SRGAP3: variants seen among roughly 807,000 people sequenced by gnomAD.
SRGAP3 encodes SLIT-ROBO Rho GTPase-activating protein 3.
SRGAP3 carries 39 observed loss-of-function variants against 121.1 expected under a neutral mutation model. That is an observed-to-expected ratio of 0.32 (90% confidence interval 0.25 to 0.42). The LOEUF (loss-of-function observed/expected upper bound fraction) is 0.42. Ranked by LOEUF, SRGAP3 falls within the 10% of genes least tolerant of loss-of-function variation. The probability of loss-of-function intolerance (pLI) is 1.00; values close to 1 mark genes in which losing one functional copy is unlikely to be tolerated. For synonymous variants in SRGAP3, 601 were observed against 570.0 expected, an observed-to-expected ratio of 1.05 and a Z score of -0.77; for missense variants, 1,213 against 1,470.6, an observed-to-expected ratio of 0.82 and a Z score of 2.86.
At chr3:9,303,162 T>C (rs1451406235) in intron 3 of SRGAP3, among the ~76,000 whole-genome samples, 3 of 152,112 alleles carry the variant, frequency 2.0e-5, no homozygotes, top group Non-Finnish European at 4.4e-5. Flanking sequence ...CGGTGGCTCA[T>C]GTCTGTAATC....
intron 20 of SRGAP3, 93 bp downstream of exon 20, chr3:8,992,813 G>A: frequency 6.2e-7 from 1 of 1,606,118 alleles, no homozygotes; most frequent in Non-Finnish European, 8.5e-7. Flanking sequence ...GCTGCAGTAG[G>A]CTCCTTCTCT....
chr3:9,140,999 C>T (rs894001981), intron 1 of SRGAP3, among the ~76,000 whole-genome samples: 1 of 152,186 alleles, frequency 6.6e-6, no homozygotes, highest in African/African-American at 2.4e-5. Context: ...CAGTGTAAAA[C>T]AATATGAAGA....
chr3:9,037,770 GACAAT>G (rs1944824597), intron 11 of SRGAP3: 1 of 520,080 alleles, frequency 1.9e-6, no homozygotes, highest in Admixed American at 3.2e-5. Context: ...ACTCTGAGTA[GACAAT>G]ACTGTCTCAC....
At chr3:9,294,695 C>CGTGTGTGTGTGTGTGT (rs753452580) in intron 3 of SRGAP3, among the ~76,000 whole-genome samples, 1,865 of 119,840 alleles carry the variant, frequency 0.016, 66 homozygotes, top group South Asian at 0.027. Flanking sequence ...TTGAAGCTTT[C>CGTGTGTGTGTGTGTGT]GTGTGTGTGT....
At chr3:9,351,695 T>C (rs900326949) in intron 1 of SRGAP3, among the ~76,000 whole-genome samples, 5 of 152,218 alleles carry the variant, frequency 3.3e-5, no homozygotes, top group African/African-American at 1.2e-4. Flanking sequence ...GATACACATA[T>C]ACTTACCATT....
At chr3:9,284,382 G>A (rs981094351) in intron 3 of SRGAP3, among the ~76,000 whole-genome samples, 3 of 152,178 alleles carry the variant, frequency 2.0e-5, no homozygotes, top group African/African-American at 4.8e-5. Flanking sequence ...GTTTTACCAC[G>A]TGTGTGTGGC....
At chr3:9,311,488 A>C (rs1045213331) in intron 3 of SRGAP3, among the ~76,000 whole-genome samples, 2 of 152,206 alleles carry the variant, frequency 1.3e-5, no homozygotes, top group African/African-American at 4.8e-5. Context: ...ACAATCCATC[A>C]AGTCTGTCGC....
At chr3:9,212,423 T>C (rs1469626090) in intron 1 of SRGAP3, among the ~76,000 whole-genome samples, 5 of 152,124 alleles carry the variant, frequency 3.3e-5, no homozygotes, top group Non-Finnish European at 5.9e-5. Context: ...CCAGTTGCCA[T>C]GAAGAAAGCA....
chr3:9,337,000 A>T, intron 1 of SRGAP3, among the ~76,000 whole-genome samples: 1 of 152,088 alleles, frequency 6.6e-6, no homozygotes, highest in Non-Finnish European at 1.5e-5. Flanking sequence ...CCAAGGTGCT[A>T]GGATTACAGG....
intron 1 of SRGAP3, among the ~76,000 whole-genome samples, chr3:9,359,637 C>A (rs186158614): frequency 6.6e-6 from 1 of 152,252 alleles, no homozygotes; most frequent in East Asian, 1.9e-4. Flanking sequence ...AGATGCCTTA[C>A]GACCACAATC....
chr3:9,035,256 C>T (rs1944690572), intron 11 of SRGAP3: 1 of 154,304 alleles, frequency 6.5e-6, no homozygotes, highest in Non-Finnish European at 1.4e-5. Flanking sequence ...CTACGGTGCC[C>T]AACTGGAGGG....
chr3:9,354,539 G>A (rs764437782), intron 1 of SRGAP3, among the ~76,000 whole-genome samples: 2 of 151,980 alleles, frequency 1.3e-5, no homozygotes, highest in African/African-American at 2.4e-5. Flanking sequence ...AAAATTAGCC[G>A]GACATGGTGG....
intron 2 of SRGAP3, among the ~76,000 whole-genome samples, chr3:9,106,638 T>C (rs892879143): frequency 6.6e-6 from 1 of 152,180 alleles, no homozygotes. Context: ...TCATAAGATC[T>C]GATGGGCTTA....
intron 3 of SRGAP3, among the ~76,000 whole-genome samples, chr3:9,272,537 G>T (rs893806194): frequency 1.3e-5 from 2 of 152,154 alleles, no homozygotes; most frequent in African/African-American, 4.8e-5. Context: ...ATTTCACTCA[G>T]CACAATGTTC....
At chr3:9,287,271 C>T (rs1954793040) in intron 3 of SRGAP3, among the ~76,000 whole-genome samples, 1 of 152,094 alleles carries the variant, frequency 6.6e-6, no homozygotes, top group Non-Finnish European at 1.5e-5. Flanking sequence ...GGATGACAGG[C>T]GTGAACCACC....
chr3:9,355,138 C>G (rs1174428930), intron 1 of SRGAP3, among the ~76,000 whole-genome samples: 1 of 152,184 alleles, frequency 6.6e-6, no homozygotes, highest in Non-Finnish European at 1.5e-5. Flanking sequence ...TCTGCTAAGT[C>G]TGACCCTCAA....
chr3:9,348,561 G>A, intron 1 of SRGAP3: 2 of 794,876 alleles, frequency 2.5e-6, no homozygotes, highest in Non-Finnish European at 4.5e-6. Context: ...GAGGCGAAGT[G>A]TGGCAGGCAG....
At chr3:9,106,470 C>T (rs1250200443) in intron 2 of SRGAP3, among the ~76,000 whole-genome samples, 1 of 152,140 alleles carries the variant, frequency 6.6e-6, no homozygotes, top group African/African-American at 2.4e-5. Flanking sequence ...ACACAGCCTC[C>T]CACTATTAGC....
rs146669220 is a variant in SRGAP3, at chr3:9,029,675, A to G, written c.1540-2680T>C. Among the ~76,000 whole-genome samples, 326 of 152,334 alleles carry G rather than the reference A, an allele frequency of 2.1e-3. 1 individual carries two copies. Among genetic ancestry groups the G allele is most frequent in the African/African-American group, 7.6e-3 (315 of 41,580 alleles). On this transcript the variant is annotated intron_variant, in intron 12 of 21. Coordinates refer to ENST00000383836, the MANE Select transcript of SRGAP3 (RefSeq NM_014850.4). Reference sequence around the variant, plus strand: ...AATAGAAAATTAAATTCCATTCTCAATAGTTGAAGGATTGAATACATTATA... The same window carrying G: ...AATAGAAAATTAAATTCCATTCTCAGTAGTTGAAGGATTGAATACATTATA...
Sources: gnomAD v4.1 joint callset for allele counts (sites outside exome capture counted in the v4.1 genomes callset) on GRCh38, gnomAD v4.1.1 for gene constraint, MANE v1.5 for transcripts, NCBI Gene and HGNC (gene_info 2026-07-23, HGNC 2026-07-21) for gene names.